Variants in BTBD9 observed in about 807,000 individuals in gnomAD.
The protein encoded by BTBD9 is BTB/POZ domain-containing protein 9.
A neutral mutation model predicts 64.3 loss-of-function variants in BTBD9; 49 were observed. The observed-to-expected ratio is 0.76, with a 90% CI of 0.61 to 0.97. BTBD9 has a LOEUF of 0.97. Among genes scored for constraint, BTBD9 ranks in the 50% least tolerant of loss-of-function variants. The pLI is 0.00. For synonymous variants in BTBD9, 260 were observed against 274.7 expected, an observed-to-expected ratio of 0.95 and a Z score of 0.53; for missense variants, 598 against 762.1, an observed-to-expected ratio of 0.78 and a Z score of 2.53.
intron 6 of BTBD9, among the ~76,000 whole-genome samples, chr6:38,465,753 A>ATATATATATATATG (rs1554158495): frequency 2.5e-5 from 1 of 39,732 alleles, no homozygotes; most frequent in African/African-American, 9.8e-5. Context: ...ATATATATAT[A>ATATATATATATATG]TATGTATGTA....
intron 6 of BTBD9, among the ~76,000 whole-genome samples, chr6:38,562,606 T>A (rs1411423646): frequency 6.6e-6 from 1 of 152,166 alleles, no homozygotes; most frequent in Non-Finnish European, 1.5e-5. Context: ...TAAATCCAAA[T>A]AAACATTTAT....
At chr6:38,532,186 A>G (rs1773829563) in intron 6 of BTBD9, among the ~76,000 whole-genome samples, 3 of 152,210 alleles carry the variant, frequency 2.0e-5, no homozygotes. Flanking sequence ...GCCCTGTCAT[A>G]GCAGAAAACA....
chr6:38,380,647 C>G (rs540018901), intron 6 of BTBD9, among the ~76,000 whole-genome samples: 39 of 152,256 alleles, frequency 2.6e-4, no homozygotes, highest in African/African-American at 8.7e-4. Flanking sequence ...CTGGGAAACA[C>G]AGCAAGACCC....
chr6:38,511,419 T>C (rs554382912), intron 6 of BTBD9, among the ~76,000 whole-genome samples: 1 of 149,464 alleles, frequency 6.7e-6, no homozygotes, highest in East Asian at 2.0e-4. Context: ...CGTGGGTCAC[T>C]GCAGCCTTGA....
Position 38,598,119 on chromosome 6 carries a change from G to A in BTBD9, c.-25C>T, listed in dbSNP as rs1777112905. On this transcript the variant is annotated splice_region_variant and 5_prime_UTR_variant, in exon 2 of 11. Transcript: ENST00000481247. ...TCTTGTGGAATAGACGATAGTCGTTGTTCTATCATATAAAGAAGGAATGAG... is the reference window on the plus strand; with the variant it reads ...TCTTGTGGAATAGACGATAGTCGTTATTCTATCATATAAAGAAGGAATGAG... The A allele has an allele frequency of 1.2e-6, 2 of 1,604,882 alleles. No individual in the cohort carries two copies. Among genetic ancestry groups the A allele is most frequent in the Non-Finnish European group, 1.7e-6 (2 of 1,174,164 alleles).
At chr6:38,377,993 C>G (rs1765761730) in intron 6 of BTBD9, among the ~76,000 whole-genome samples, 1 of 152,134 alleles carries the variant, frequency 6.6e-6, no homozygotes, top group African/African-American at 2.4e-5. Flanking sequence ...CTCTACTCAC[C>G]CTTCAATATG....
chr6:38,398,245 T>G (rs1766771025), intron 6 of BTBD9, among the ~76,000 whole-genome samples: 1 of 152,198 alleles, frequency 6.6e-6, no homozygotes, highest in Non-Finnish European at 1.5e-5. Context: ...AAATGACTTC[T>G]CTAGGCCTTT....
At chr6:38,473,329 G>T (rs1770729920) in intron 6 of BTBD9, among the ~76,000 whole-genome samples, 1 of 152,182 alleles carries the variant, frequency 6.6e-6, no homozygotes, top group African/African-American at 2.4e-5. Flanking sequence ...ATAGTTTTGG[G>T]TTATGGTTTT....
chr6:38,190,513 T>C (rs1166411094), intron 10 of BTBD9, among the ~76,000 whole-genome samples: 1 of 139,972 alleles, frequency 7.1e-6, no homozygotes. Flanking sequence ...TTGACAACAC[T>C]ACTTTGAGGC....
chr6:38,419,858 G>A (rs1767828246), intron 6 of BTBD9, among the ~76,000 whole-genome samples: 1 of 151,918 alleles, frequency 6.6e-6, no homozygotes, highest in African/African-American at 2.4e-5. Context: ...CAACAAGAGC[G>A]AAACTCCATC....
chr6:38,297,290 C>T (rs189909351), intron 7 of BTBD9, among the ~76,000 whole-genome samples: 1 of 152,134 alleles, frequency 6.6e-6, no homozygotes, highest in Admixed American at 6.5e-5. Context: ...CGTTTGAACA[C>T]GGGAGGTGGA....
intron 7 of BTBD9, among the ~76,000 whole-genome samples, chr6:38,291,581 G>A (rs1197007909): frequency 6.6e-6 from 1 of 152,194 alleles, no homozygotes; most frequent in African/African-American, 2.4e-5. Flanking sequence ...GGTTTTCACA[G>A]GGAATGCTTC....
chr6:38,320,663 C>T (rs1763198114), intron 7 of BTBD9, among the ~76,000 whole-genome samples: 2 of 152,202 alleles, frequency 1.3e-5, no homozygotes, highest in African/African-American at 2.4e-5. Flanking sequence ...ATAATCCCTT[C>T]TTCTCCCTGC....
chr6:38,460,672 G>T (rs1168080238), intron 6 of BTBD9, among the ~76,000 whole-genome samples: 1 of 152,150 alleles, frequency 6.6e-6, no homozygotes, highest in African/African-American at 2.4e-5. Context: ...CACCGAGGCT[G>T]GAGTGCAGTG....
chr6:38,451,103 G>A (rs1053447350), intron 6 of BTBD9, among the ~76,000 whole-genome samples: 1 of 152,050 alleles, frequency 6.6e-6, no homozygotes, highest in Non-Finnish European at 1.5e-5. Flanking sequence ...TATGATCCCC[G>A]ATTACTCTAA....
chr6:38,535,168 C>A (rs562616125), intron 6 of BTBD9, among the ~76,000 whole-genome samples: 1 of 152,162 alleles, frequency 6.6e-6, no homozygotes, highest in South Asian at 2.1e-4. Flanking sequence ...AGTAAACTTG[C>A]AATATAGAAA....
Position 38,201,050 on chromosome 6 carries a change from A to G in BTBD9, c.1563-8453T>C, listed in dbSNP as rs544542007. On this transcript the variant is annotated intron_variant, in intron 9 of 10. Coordinates refer to ENST00000481247, the MANE Select transcript of BTBD9 (RefSeq NM_001099272.2). ...AAAATAAAGTAAAAATAAAAAAAAAATCCCAAAACCAAAGAGGAGGGAATA... is the reference window on the plus strand; with the variant it reads ...AAAATAAAGTAAAAATAAAAAAAAAGTCCCAAAACCAAAGAGGAGGGAATA... Among the ~76,000 whole-genome samples the G allele has an allele frequency of 5.3e-5, 8 of 152,060 alleles. No individual in the cohort carries two copies. In the South Asian group the frequency reaches 1.5e-3, roughly 28 times the overall value.
chr6:38,355,527 T>C (rs1283705668), intron 6 of BTBD9, among the ~76,000 whole-genome samples: 1 of 152,188 alleles, frequency 6.6e-6, no homozygotes, highest in East Asian at 1.9e-4. Context: ...ATGTCAGTCC[T>C]CACACTTGTT....
At chr6:38,431,401 T>A (rs1301410746) in intron 6 of BTBD9, among the ~76,000 whole-genome samples, 2 of 152,202 alleles carry the variant, frequency 1.3e-5, no homozygotes. Context: ...ATGTAAACCA[T>A]ATAGCATACA....
Sources: gnomAD v4.1 joint callset for allele counts (sites outside exome capture counted in the v4.1 genomes callset) on GRCh38, gnomAD v4.1.1 for gene constraint, MANE v1.5 for transcripts, NCBI Gene and HGNC (gene_info 2026-07-23, HGNC 2026-07-21) for gene names.